CADPS: variants seen among roughly 807,000 people sequenced by gnomAD.
The protein encoded by CADPS is calcium-dependent secretion activator 1.
A neutral mutation model predicts 167.3 loss-of-function variants in CADPS; 57 were observed. The ratio of observed to expected loss-of-function variants is 0.34; its 90% CI spans 0.28 to 0.42. The LOEUF is 0.42. Among genes scored for constraint, CADPS ranks in the 20% least tolerant of loss-of-function variants. CADPS has a pLI of 1.00. For synonymous variants in CADPS, 676 were observed against 635.3 expected (o/e 1.06, Z -0.96); for missense variants, 1,414 against 1,738.1 (o/e 0.81, Z 3.32).
chr3:62,576,366 A>C (rs750556107), intron 8 of CADPS, among the ~76,000 whole-genome samples: 8 of 152,134 alleles, frequency 5.3e-5, no homozygotes, highest in African/African-American at 1.9e-4. Context: ...ATAACCTAAC[A>C]GTTACTTTAT....
rs375510190 is a variant in CADPS, at chr3:62,650,961, C to G, written c.1089G>C (p.Gly363=). 4.6e-5 allele frequency: 74 copies of G among 1,613,956 alleles called. 1 individual carries two copies. In the South Asian group the frequency reaches 7.7e-4, roughly 17 times the overall value. ...NLESMPVSKG[G]EFKLQKLKRS... is the part of the protein sequence containing the mutation. ...GTTTGAGTTTCTGGAGCTTGAACTC[C>G]CCGCCTTTGGATACCGGCATGCTCT... The change falls in exon 5 of 30, where the codon GGG becomes GGC. Residue 363 remains glycine (G), a synonymous_variant. Coordinates refer to ENST00000383710, the MANE Select transcript of CADPS (RefSeq NM_003716.4).
intron 16 of CADPS, among the ~76,000 whole-genome samples, chr3:62,513,412 C>A (rs1221296161): frequency 1.3e-5 from 2 of 151,864 alleles, no homozygotes; most frequent in African/African-American, 4.8e-5. Flanking sequence ...AACTTACAGA[C>A]AAATCTGAGT....
At chr3:62,488,489 TTTATTTA>T in intron 21 of CADPS, among the ~76,000 whole-genome samples, 1 of 150,982 alleles carries the variant, frequency 6.6e-6, no homozygotes, top group Admixed American at 6.6e-5. Flanking sequence ...TATTTATTTA[TTTATTTA>T]TTATTATTAT....
chr3:62,693,685 T>C (rs1420074801), intron 3 of CADPS, among the ~76,000 whole-genome samples: 11 of 151,254 alleles, frequency 7.3e-5, no homozygotes, highest in African/African-American at 2.7e-4. Context: ...CTCAGGAGGC[T>C]GAGGCAGGAG....
chr3:62,552,577 A>T (rs2077487019), intron 10 of CADPS, among the ~76,000 whole-genome samples: 1 of 152,228 alleles, frequency 6.6e-6, no homozygotes, highest in Non-Finnish European at 1.5e-5. Flanking sequence ...TGAATGAGTT[A>T]TTAGCATCCC....
chr3:62,817,829 C>A (rs951629680), intron 1 of CADPS, among the ~76,000 whole-genome samples: 2 of 152,230 alleles, frequency 1.3e-5, no homozygotes, highest in South Asian at 4.1e-4. Context: ...GTTTCCAAAT[C>A]AATTTTATTT....
rs148203756 is a variant in CADPS at position 62,519,898 on chromosome 3, A to G, written c.2292-1648T>C. ...TGCTTTTGTTTGTAACTTTTCGTGT[A>G]TATGCTACAACCTACAACTTCCTTA... On this transcript the variant is annotated intron_variant, in intron 13 of 29. Coordinates refer to ENST00000383710, the MANE Select transcript of CADPS (RefSeq NM_003716.4). 3.8e-3 allele frequency among the ~76,000 whole-genome samples: 578 copies of G among 152,302 alleles called. 4 individuals are homozygous for G. The highest frequency in any genetic ancestry group is 0.013 in the African/African-American group (532 of 41,568).
intron 3 of CADPS, among the ~76,000 whole-genome samples, chr3:62,669,153 G>A (rs921178883): frequency 5.9e-5 from 9 of 152,136 alleles, no homozygotes; most frequent in Admixed American, 1.3e-4. Flanking sequence ...TTGTTTTCTC[G>A]CTACTTTGCT....
rs925843257 is a variant in CADPS at position 62,626,659 on chromosome 3, G to A, written c.1325+19063C>T. The stretch of plus-strand genomic sequence containing the variant: ...GTACAAAGAAGGCAATTTTGTTGAC[G>A]TTTGGAGTTCCTTCTGCAGGGAACA... On this transcript the variant is annotated intron_variant, in intron 6 of 29. Transcript: ENST00000383710. The A allele has an allele frequency of 4.4e-5, 30 of 684,402 alleles. No homozygotes were observed. In the East Asian group the frequency reaches 6.5e-4, roughly 15 times the overall value. The allele number at this position is 684,402 out of a possible 1,614,324, so 42.4% of individuals were successfully genotyped here.
At chr3:62,797,900 C>T (rs952376842) in intron 1 of CADPS, among the ~76,000 whole-genome samples, 17 of 151,954 alleles carry the variant, frequency 1.1e-4, no homozygotes, top group Non-Finnish European at 1.8e-4. Flanking sequence ...AAAAATGTAA[C>T]ATATATATTT....
intron 26 of CADPS, among the ~76,000 whole-genome samples, chr3:62,450,004 T>C (rs1366416240): frequency 6.6e-6 from 1 of 152,188 alleles, no homozygotes; most frequent in African/African-American, 2.4e-5. Context: ...TTCAACTAAA[T>C]GTAGCTGTGC....
chr3:62,637,611 A>G (rs1251904568), intron 6 of CADPS, among the ~76,000 whole-genome samples: 1 of 152,232 alleles, frequency 6.6e-6, no homozygotes, highest in Non-Finnish European at 1.5e-5. Context: ...AATCCACAAA[A>G]CAACCGAATT....
chr3:62,839,454 G>T (rs1031637543), intron 1 of CADPS, among the ~76,000 whole-genome samples: 2 of 152,198 alleles, frequency 1.3e-5, no homozygotes, highest in East Asian at 1.9e-4. Flanking sequence ...ATATGCAAAG[G>T]TCAAGAGACG....
intron 3 of CADPS, among the ~76,000 whole-genome samples, chr3:62,665,800 T>C (rs559473222): frequency 6.6e-6 from 1 of 152,304 alleles, no homozygotes; most frequent in South Asian, 2.1e-4. Context: ...GCAAGTTACT[T>C]AACCTCTCTG....
chr3:62,850,121 G>A (rs1101782), intron 1 of CADPS, among the ~76,000 whole-genome samples: 73,869 of 98,710 alleles, frequency 0.75, 30,184 homozygotes, highest in Non-Finnish European at 0.79. Context: ...ATCGGTGGTG[G>A]TATCCCCTTT....
At chr3:62,677,178 T>C (rs17066802) in intron 3 of CADPS, among the ~76,000 whole-genome samples, 7,335 of 151,986 alleles carry the variant, frequency 0.048, 214 homozygotes, top group South Asian at 0.1. Flanking sequence ...ATTCAGGAAA[T>C]AGTCTTCATA....
intron 1 of CADPS, among the ~76,000 whole-genome samples, chr3:62,816,884 T>C (rs1481075028): frequency 6.6e-6 from 1 of 152,162 alleles, no homozygotes. Context: ...ATCCAGAAGC[T>C]ACGCTGAAGC....
intron 1 of CADPS, among the ~76,000 whole-genome samples, chr3:62,775,772 C>G (rs1008324982): frequency 1.3e-5 from 2 of 152,128 alleles, no homozygotes; most frequent in Non-Finnish European, 2.9e-5. Context: ...CTCGTGCTGC[C>G]TGAGTGCTTT....
chr3:62,599,695 AAT>A (rs1232542920), intron 6 of CADPS, among the ~76,000 whole-genome samples: 14 of 44,990 alleles, frequency 3.1e-4, no homozygotes, highest in South Asian at 1.2e-3. Context: ...ATAATATTAT[AAT>A]ATATATATTA....
Sources: allele counts gnomAD v4.1 joint callset (sites outside exome capture counted in the v4.1 genomes callset), GRCh38; gene constraint gnomAD v4.1.1; transcripts MANE v1.5; gene names NCBI Gene and HGNC (gene_info 2026-07-23, HGNC 2026-07-21).